Variants in NCOA1 observed in about 807,000 individuals in gnomAD.
NCOA1 encodes nuclear receptor coactivator 1.
NCOA1 carries 35 observed loss-of-function variants against 150.9 expected under a neutral mutation model. That is an observed-to-expected ratio of 0.23 (90% CI 0.18 to 0.31). NCOA1 has a LOEUF of 0.31. Ranked by LOEUF, NCOA1 falls within the 10% of genes least tolerant of loss-of-function variation. The pLI is 1.00. For synonymous variants in NCOA1, 590 were observed against 630.0 expected, an observed-to-expected ratio of 0.94 and a Z score of 0.95; for missense variants, 1,491 against 1,749.3, an observed-to-expected ratio of 0.85 and a Z score of 2.63.
chr2:24,714,891 C>T (rs1341905226), intron 14 of NCOA1, among the ~76,000 whole-genome samples: 1 of 151,878 alleles, frequency 6.6e-6, no homozygotes, highest in Non-Finnish European at 1.5e-5. Context: ...TAAGCCATGT[C>T]ATAATCAAAT....
At chr2:24,665,380 G>A (rs1411551064) in intron 5 of NCOA1, among the ~76,000 whole-genome samples, 1 of 151,984 alleles carries the variant, frequency 6.6e-6, no homozygotes, top group Non-Finnish European at 1.5e-5. Flanking sequence ...TGAAAATTCA[G>A]ATTTTTCTAT....
intron 2 of NCOA1, among the ~76,000 whole-genome samples, chr2:24,569,988 T>G (rs1180609193): frequency 6.6e-6 from 1 of 151,210 alleles, no homozygotes; most frequent in Non-Finnish European, 1.5e-5. Flanking sequence ...GAAAGTAGAT[T>G]AGGAGTCCTT....
intron 13 of NCOA1, among the ~76,000 whole-genome samples, chr2:24,709,818 T>C (rs1053644528): frequency 6.6e-6 from 1 of 152,214 alleles, no homozygotes; most frequent in Non-Finnish European, 1.5e-5. Flanking sequence ...TGTTGTGACA[T>C]ATTCATACAG....
intron 1 of NCOA1, among the ~76,000 whole-genome samples, chr2:24,563,938 G>A (rs1017685550): frequency 1.3e-5 from 2 of 151,972 alleles, no homozygotes; most frequent in African/African-American, 2.4e-5. Flanking sequence ...TCCTTTTACT[G>A]TTCCACTTTA....
intron 1 of NCOA1, among the ~76,000 whole-genome samples, chr2:24,531,849 T>C (rs1203906826): frequency 6.6e-6 from 1 of 152,224 alleles, no homozygotes; most frequent in African/African-American, 2.4e-5. Flanking sequence ...CTTAATCCAG[T>C]CTATCATTGA....
chr2:24,715,703 C>T (rs1054447784), intron 14 of NCOA1, among the ~76,000 whole-genome samples: 10 of 152,124 alleles, frequency 6.6e-5, no homozygotes, highest in Non-Finnish European at 1.2e-4. Flanking sequence ...TTACTCTACA[C>T]TGAAAACTAC....
At chr2:24,549,784 A>T (rs540037558) in intron 1 of NCOA1, among the ~76,000 whole-genome samples, 1 of 152,192 alleles carries the variant, frequency 6.6e-6, no homozygotes, top group East Asian at 1.9e-4. Context: ...GTTAACCAGG[A>T]TGGTCTCGAT....
At position 24,635,799 on chromosome 2, in the gene NCOA1, G is replaced by GT. The variant is rs1251891734; in HGVS notation, c.-174-8164dup. Among the ~76,000 whole-genome samples, 7 of 152,200 alleles carry GT rather than the reference G, an allele frequency of 4.6e-5. No individual in the cohort carries two copies. In the East Asian group the frequency reaches 5.8e-4, roughly 13 times the overall value. On this transcript the variant is annotated intron_variant, in intron 3 of 22. Transcript: ENST00000348332. ...TAACTATAAATCCCTTTCTTTAATA[G>GT]TTTAACTATAAGCCAATATGAAGAG...
chr2:24,576,170 G>GT (rs869093026), intron 2 of NCOA1, among the ~76,000 whole-genome samples: 19 of 46,302 alleles, frequency 4.1e-4, no homozygotes, highest in African/African-American at 1.1e-3. Flanking sequence ...TTTGTTTTTT[G>GT]TTTTTTTTTT....
intron 1 of NCOA1, among the ~76,000 whole-genome samples, chr2:24,505,592 T>C (rs7579632): frequency 0.044 from 6,699 of 152,330 alleles, 236 homozygotes; most frequent in African/African-American, 0.098. Flanking sequence ...GTCTCTGTCT[T>C]GAAGACTTTT....
intron 1 of NCOA1, among the ~76,000 whole-genome samples, chr2:24,544,438 C>T (rs1462332179): frequency 2.0e-5 from 3 of 152,074 alleles, no homozygotes; most frequent in South Asian, 2.1e-4. Flanking sequence ...CTTAGGAACA[C>T]GTGCTTCTAA....
chr2:24,671,844 G>A (rs1210894062), intron 6 of NCOA1, among the ~76,000 whole-genome samples: 1 of 152,090 alleles, frequency 6.6e-6, no homozygotes, highest in Admixed American at 6.5e-5. Flanking sequence ...GATTACAGAC[G>A]TGAGCCACCT....
At chr2:24,646,143 T>C (rs944333939) in intron 4 of NCOA1, among the ~76,000 whole-genome samples, 1 of 152,190 alleles carries the variant, frequency 6.6e-6, no homozygotes, top group African/African-American at 2.4e-5. Flanking sequence ...CTTCTTAACA[T>C]TAAAAACAAT....
chr2:24,645,265 G>A (rs191613997), intron 4 of NCOA1, among the ~76,000 whole-genome samples: 1 of 151,340 alleles, frequency 6.6e-6, no homozygotes, highest in Non-Finnish European at 1.5e-5. Context: ...GCTGAGACGG[G>A]TGAATTATGA....
At chr2:24,639,395 A>T (rs1263821356) in intron 3 of NCOA1, among the ~76,000 whole-genome samples, 1 of 152,032 alleles carries the variant, frequency 6.6e-6, no homozygotes. Context: ...GACATCCCTC[A>T]TATTTCTAGT....
chr2:24,749,468 C>G (rs1012740890), intron 19 of NCOA1, among the ~76,000 whole-genome samples: 1 of 152,230 alleles, frequency 6.6e-6, no homozygotes, highest in Non-Finnish European at 1.5e-5. Context: ...GAGAAAACCA[C>G]CTGAAAAGAT....
At chr2:24,583,532 C>T (rs1047250408) in intron 2 of NCOA1, among the ~76,000 whole-genome samples, 13 of 152,128 alleles carry the variant, frequency 8.5e-5, no homozygotes, top group Admixed American at 7.9e-4. Context: ...TTTCAGCAAT[C>T]CCACTACTAG....
intron 1 of NCOA1, among the ~76,000 whole-genome samples, chr2:24,539,284 A>T (rs1035643011): frequency 6.6e-6 from 1 of 152,144 alleles, no homozygotes; most frequent in East Asian, 1.9e-4. Context: ...GGTTTTGTAC[A>T]ATGCCTAGAA....
intron 14 of NCOA1, among the ~76,000 whole-genome samples, chr2:24,722,709 G>T (rs1206389370): frequency 6.6e-6 from 1 of 151,824 alleles, no homozygotes; most frequent in Non-Finnish European, 1.5e-5. Context: ...TTAATTCACA[G>T]TAAATCAAAA....
Sources: allele counts gnomAD v4.1 joint callset (sites outside exome capture counted in the v4.1 genomes callset), GRCh38; gene constraint gnomAD v4.1.1; transcripts MANE v1.5; gene names NCBI Gene and HGNC (gene_info 2026-07-23, HGNC 2026-07-21).